The following AHRR variants were observed in gnomAD, a reference collection of about 807,000 sequenced individuals.
The protein encoded by AHRR is ahR repressor.
AHRR carries 28 observed loss-of-function variants against 44.0 expected under a neutral mutation model. That is an observed-to-expected ratio of 0.64 (90% CI 0.47 to 0.87). The LOEUF (loss-of-function observed/expected upper bound fraction) is 0.87. Among genes scored for constraint, AHRR ranks in the 40% least tolerant of loss-of-function variants. The pLI, the probability that AHRR is intolerant of heterozygous loss-of-function variation, is 0.00. For missense variants in AHRR, 990 were observed against 953.9 expected (o/e 1.04, Z -0.50); for synonymous variants, 434 against 407.0 (o/e 1.07, Z -0.80).
In AHRR at chr5:340,682, ATATATATTTTTTTTTT is replaced by A. The variant is rs1742305874; in HGVS notation, c.-10-3209_-10-3194del. On this transcript the variant is annotated intron_variant, in intron 1 of 10. Coordinates refer to ENST00000684583, the MANE Select transcript of AHRR (RefSeq NM_001377236.1). ...AGCAATATTATATATATATATATAT[ATATATATTTTTTTTTT>A]TTTTTTTTTTTTTTTGAGTTGGAGT... Among the ~76,000 whole-genome samples the A allele has an allele frequency of 2.1e-4, 5 of 23,772 alleles. No homozygotes were observed. The South Asian group carries it at 7.7e-3, about 36-fold the overall frequency. The allele number at this position is 23,772 out of a possible 152,430, so 15.6% of individuals were successfully genotyped here. A position where few individuals can be genotyped will look rare whatever the true frequency, so the allele number is the denominator to read the frequency against.
intron 1 of AHRR, 174 bp from the exon 2 acceptor site, chr5:343,719 C>CT (rs1742450725): frequency 1.6e-6 from 1 of 607,284 alleles, no homozygotes; most frequent in Admixed American, 3.4e-5. Flanking sequence ...GTGCGGGGTG[C>CT]TGGAGAGCAG....
At chr5:381,024 C>T (rs1733959197) in intron 4 of AHRR, among the ~76,000 whole-genome samples, 1 of 152,228 alleles carries the variant, frequency 6.6e-6, no homozygotes. Flanking sequence ...AGCTGAGGAA[C>T]CTGGATTCTG....
intron 4 of AHRR, among the ~76,000 whole-genome samples, chr5:400,355 C>T (rs983008832): frequency 2.6e-5 from 4 of 152,176 alleles, no homozygotes; most frequent in Admixed American, 2.6e-4. Flanking sequence ...TGGGGGAGAG[C>T]GTGGCTCCAG....
At chr5:323,662 C>T (rs542322092) in intron 1 of AHRR, among the ~76,000 whole-genome samples, 189 of 152,292 alleles carry the variant, frequency 1.2e-3, no homozygotes, top group Non-Finnish European at 2.0e-3. Context: ...CTCGTTCACC[C>T]GTGCTGGGTG....
chr5:425,062 C>G (rs1318481362), intron 7 of AHRR, among the ~76,000 whole-genome samples: 1 of 152,258 alleles, frequency 6.6e-6, no homozygotes, highest in Non-Finnish European at 1.5e-5. Context: ...ACAAGGCCCT[C>G]TGACTCCAGC....
rs954289735 is a variant in AHRR, at chr5:326,967, G to C, written c.-11+5148G>C. On this transcript the variant is annotated intron_variant, in intron 1 of 10. Coordinates refer to ENST00000684583, the MANE Select transcript of AHRR (RefSeq NM_001377236.1). This position sits in a 1 kb window ranked among gnomAD's most constrained non-coding sequence, Gnocchi z 4.1. ...CCAGCTACTCAGGAGGCTGAGGCAG[G>C]AGAATCTCTTGAACCCAGGAGGTGG... is the stretch of plus-strand genomic sequence containing the variant. Among the ~76,000 whole-genome samples, 5 of 152,168 alleles carry C rather than the reference G, an allele frequency of 3.3e-5. No homozygotes were observed. Among genetic ancestry groups the C allele is most frequent in the African/African-American group, 1.2e-4 (5 of 41,426 alleles).
rs34389831 is a variant in AHRR, at chr5:408,382, C to CT, written c.352-4951dup. On this transcript the variant is annotated intron_variant, in intron 4 of 10. Transcript: ENST00000684583. ...TTCAGTAATTCCTATTTTCCTGAGC[C>CT]TTTTTTTTTTTCAGGAATAATTGTT... Among the ~76,000 whole-genome samples, 206 of 145,794 alleles carry CT rather than the reference C, an allele frequency of 1.4e-3. 1 individual carries two copies. Among genetic ancestry groups the CT allele is most frequent in the African/African-American group, 3.8e-3 (153 of 40,012 alleles).
At chr5:426,289 G>T (rs1415321632) in intron 7 of AHRR, among the ~76,000 whole-genome samples, 5 of 151,820 alleles carry the variant, frequency 3.3e-5, no homozygotes, top group Non-Finnish European at 5.9e-5. Context: ...TGGATGAGTG[G>T]ATGGATGGAT....
chr5:422,468 C>G, intron 5 of AHRR: 1 of 497,112 alleles, frequency 2.0e-6, no homozygotes, highest in Non-Finnish European at 3.7e-6. Context: ...CGTCTCTTAG[C>G]CTCCCGCTTG....
intron 4 of AHRR, among the ~76,000 whole-genome samples, chr5:392,947 C>A (rs574852726): frequency 2.6e-5 from 4 of 152,112 alleles, no homozygotes; most frequent in Non-Finnish European, 4.4e-5. Flanking sequence ...GGATCTCCCC[C>A]CACACCAAGC....
intron 6 of AHRR, among the ~76,000 whole-genome samples, 157 bp downstream of exon 6, chr5:423,015 C>T (rs1736205122): frequency 6.6e-6 from 1 of 152,194 alleles, no homozygotes; most frequent in Admixed American, 6.5e-5. Flanking sequence ...GGCCTCCTCC[C>T]ATGTCCCTCC....
chr5:420,392 G>A (rs1164555508), intron 5 of AHRR, among the ~76,000 whole-genome samples: 2 of 147,872 alleles, frequency 1.4e-5, no homozygotes, highest in African/African-American at 4.8e-5. Context: ...TGGGAGGAGT[G>A]CGGACTCCCC....
rs530261058 is a variant in AHRR, at chr5:424,062, G to A, written c.708+85G>A. ...GTGGAAGGAAACAGAGGGCAAGAGG[G>A]GGTGGGGGCGTTAAACCACATGTCC... On this transcript the variant is annotated intron_variant, in intron 7 of 10. Coordinates refer to ENST00000684583, the MANE Select transcript of AHRR (RefSeq NM_001377236.1). The A allele has an allele frequency of 7.9e-4, 1,211 of 1,527,572 alleles. 2 individuals carry two copies. Among genetic ancestry groups the A allele is most frequent in the Non-Finnish European group, 1.0e-3 (1,173 of 1,138,414 alleles). 94.6% of individuals were successfully genotyped at this position (1,527,572 alleles called of 1,614,324 possible). A position where few individuals can be genotyped will look rare whatever the true frequency, so the allele number is the denominator to read the frequency against.
In AHRR at chr5:436,271, C is replaced by CTG. The variant is rs1737053918; in HGVS notation, c.*1437_*1438insTG. On this transcript the variant is annotated 3_prime_UTR_variant, in exon 11 of 11. Coordinates refer to ENST00000684583, the MANE Select transcript of AHRR (RefSeq NM_001377236.1). ...GCCCGCGGGTGAGGGACCCACCACCCCTAGGGACCCACCACCCCGCCGCAC... is the reference window on the plus strand; with the variant it reads ...GCCCGCGGGTGAGGGACCCACCACCCTGCTAGGGACCCACCACCCCGCCGCAC... 1.0e-5 allele frequency: 1 copy of CTG among 96,256 alleles called. No individual in the cohort carries two copies. The allele number at this position is 96,256 out of a possible 1,614,324, so 6.0% of individuals were successfully genotyped here.
Position 344,420 on chromosome 5 carries a change from G to GT in AHRR, c.62+456_62+457insT, listed in dbSNP as rs769268194. ...TGGGGAGGGCTGCGGGGGTGTGTGC[G>GT]GTATGTGTGAGGCTGTGGGGGGCTG... On this transcript the variant is annotated intron_variant, in intron 2 of 10. Transcript: ENST00000684583. Among the ~76,000 whole-genome samples the GT allele has an allele frequency of 3.3e-4, 8 of 24,524 alleles. 1 individual carries two copies. Among genetic ancestry groups the GT allele is most frequent in the African/African-American group, 9.6e-4 (4 of 4,162 alleles). The allele number at this position is 24,524 out of a possible 152,430, so 16.1% of individuals were successfully genotyped here.
At chr5:353,668 G>A (rs1742939120) in intron 2 of AHRR, 62 bp from the exon 3 acceptor site, 11 of 1,516,320 alleles carry the variant, frequency 7.3e-6, no homozygotes, top group Non-Finnish European at 7.1e-6. Context: ...GACGGTTTCC[G>A]CCCCAGGGGG....
intron 3 of AHRR, among the ~76,000 whole-genome samples, chr5:374,377 CCTT>C (rs1743704545): frequency 6.6e-6 from 1 of 152,222 alleles, no homozygotes; most frequent in Admixed American, 6.5e-5. Flanking sequence ...CTGTTAAAAA[CCTT>C]CAGCTTTCTG....
At chr5:362,111 C>T (rs767510647) in intron 3 of AHRR, among the ~76,000 whole-genome samples, 3 of 152,136 alleles carry the variant, frequency 2.0e-5, no homozygotes, top group Non-Finnish European at 2.9e-5. Context: ...GTCATAAGGG[C>T]AGAGCTCTGA....
At chr5:349,252 A>G (rs1040981882) in intron 2 of AHRR, among the ~76,000 whole-genome samples, 6 of 152,172 alleles carry the variant, frequency 3.9e-5, no homozygotes, top group Non-Finnish European at 8.8e-5. Flanking sequence ...TTATCTTTTC[A>G]ATTTTCTTAA....
Sources: allele counts gnomAD v4.1 joint callset (sites outside exome capture counted in the v4.1 genomes callset), GRCh38; gene constraint gnomAD v4.1.1; non-coding constraint Gnocchi (gnomAD v3.1); transcripts MANE v1.5; gene names NCBI Gene and HGNC (gene_info 2026-07-23, HGNC 2026-07-21).